ALDH4A1: variants seen among roughly 807,000 people sequenced by gnomAD.
ALDH4A1 encodes delta-1-pyrroline-5-carboxylate dehydrogenase, mitochondrial.
A neutral mutation model predicts 70.5 loss-of-function variants in ALDH4A1; 46 were observed. The observed-to-expected ratio is 0.65, with a 90% CI of 0.51 to 0.83. The LOEUF is 0.83. Among genes scored for constraint, ALDH4A1 ranks in the 40% least tolerant of loss-of-function variants. The pLI is 0.00. For synonymous variants in ALDH4A1, 323 were observed against 324.3 expected (o/e 1.00, Z 0.04); for missense variants, 749 against 766.5 (o/e 0.98, Z 0.27).
At chr1:18,877,168 G>T (rs751282737) in intron 11 of ALDH4A1, 40 bp downstream of exon 11, 6 of 1,595,206 alleles carry the variant, frequency 3.8e-6, no homozygotes, top group Admixed American at 1.7e-5. Context: ...CCACTCCAGG[G>T]CTTGCCCCCA....
chr1:18,902,438 G>T, intron 1 of ALDH4A1, 24 bp downstream of exon 1: 1 of 1,323,692 alleles, frequency 7.6e-7, no homozygotes, highest in Non-Finnish European at 9.6e-7. Flanking sequence ...CGCTCGGGCC[G>T]CCCCGGGCCC....
chr1:18,878,597 A>G (rs191097333), intron 9 of ALDH4A1, among the ~76,000 whole-genome samples: 34 of 152,248 alleles, frequency 2.2e-4, no homozygotes, highest in Admixed American at 1.7e-3. Flanking sequence ...TGTGCTCCAC[A>G]AAACACTTGG....
chr1:18,879,312 G>A lies in ALDH4A1; in HGVS notation c.928C>T (p.Arg310Cys), dbSNP rs772789599. Residue 310 changes from arginine (R) to cysteine (C), a missense_variant, in exon 9 of 15, where the codon CGC (arginine) becomes TGC (cysteine). Physicochemically the swap from Arg to Cys is radical, Grantham distance 180 (BLOSUM62 -3). Transcript: ENST00000375341. ...AGGCAGGCCTTACCTCCAGCCAGGC[G>A]TGGGAAGGTGTGGAACCGGTCCAGG... The part of the protein sequence containing the change: ...QNLDRFHTFP[R>C]LAGECGGKNF... 3.7e-5 allele frequency: 59 copies of A among 1,609,588 alleles called. No homozygotes were observed. The highest frequency in any genetic ancestry group is 5.0e-5 in the Admixed American group (3 of 59,468).
intron 1 of ALDH4A1, among the ~76,000 whole-genome samples, chr1:18,893,599 T>A (rs1935518712): frequency 6.6e-6 from 1 of 152,096 alleles, no homozygotes; most frequent in South Asian, 2.1e-4. Context: ...GCCTCCCGAA[T>A]TCAAGCAATT....
chr1:18,877,481 G>A lies in ALDH4A1; in HGVS notation c.1072C>T (p.His358Tyr), dbSNP rs1317533452. ...CSACSRLYVP[H>Y]SLWPQIKGRL... ...CCTTTGATCTGCGGCCACAGCGAGTGCGGCACGTAGAGACGCGAGCACGCG... is the reference window on the plus strand; with the variant it reads ...CCTTTGATCTGCGGCCACAGCGAGTACGGCACGTAGAGACGCGAGCACGCG... The change falls in exon 10 of 15, where the codon CAC (histidine) becomes TAC (tyrosine). Residue 358 changes from histidine (H) to tyrosine (Y), a missense_variant. Transcript: ENST00000375341. The A allele has an allele frequency of 5.0e-6, 8 of 1,600,270 alleles. No individual in the cohort carries two copies. Among genetic ancestry groups the A allele is most frequent in the Non-Finnish European group, 6.8e-6 (8 of 1,173,714 alleles).
chr1:18,900,400 G>A (rs1314756034), intron 1 of ALDH4A1, among the ~76,000 whole-genome samples: 1 of 152,218 alleles, frequency 6.6e-6, no homozygotes, highest in Admixed American at 6.5e-5. Context: ...ATGAACAAGT[G>A]ATCAAACATC....
In ALDH4A1 at chr1:18,897,145, G is replaced by A. The variant is rs75705742; in HGVS notation, c.62+5317C>T. 2,471 of 505,514 alleles carry A rather than the reference G, an allele frequency of 4.9e-3. 39 individuals carry two copies. The highest frequency in any genetic ancestry group is 0.043 in the African/African-American group (2,199 of 51,216). The allele number at this position is 505,514 out of a possible 1,614,324, so 31.3% of individuals were successfully genotyped here. A position where few individuals can be genotyped will look rare whatever the true frequency, so the allele number is the denominator to read the frequency against. ...GAAACTTTTTGAGTGTCAACGTGAC[G>A]CTCAAAGGAAATGCTCATTGGAGCA... On this transcript the variant is annotated intron_variant, in intron 1 of 14. Transcript: ENST00000375341.
chr1:18,880,725 C>A lies in ALDH4A1; in HGVS notation c.866+975G>T, dbSNP rs993494040. 6.6e-6 allele frequency among the ~76,000 whole-genome samples: 1 copy of A among 152,094 alleles called. No individual in the cohort carries two copies. The highest frequency in any genetic ancestry group is 1.5e-5 in the Non-Finnish European group (1 of 68,014). On this transcript the variant is annotated intron_variant, in intron 8 of 14. Transcript: ENST00000375341. This position sits in a 1 kb window ranked among gnomAD's most constrained non-coding sequence, Gnocchi z 5.1. ...ATCAGAGCATCCAGGTCCAGGGGAC[C>A]AAGACAGGCCAATATTTGGATTTAT...
intron 1 of ALDH4A1, 65 bp from the exon 2 acceptor site, chr1:18,890,170 C>T (rs897549610): frequency 1.5e-6 from 2 of 1,366,084 alleles, no homozygotes; most frequent in South Asian, 1.2e-5. Context: ...CAGACCCCAG[C>T]CCCTCTACCT....
rs1934493408 is a variant in ALDH4A1, at chr1:18,872,778, G to A, written c.*67C>T. The A allele has an allele frequency of 3.3e-6, 4 of 1,201,262 alleles. No individual in the cohort carries two copies. The highest frequency in any genetic ancestry group is 4.9e-6 in the Non-Finnish European group (4 of 818,156). 74.4% of individuals were successfully genotyped at this position (1,201,262 alleles called of 1,614,324 possible). On this transcript the variant is annotated 3_prime_UTR_variant, in exon 15 of 15. Coordinates refer to ENST00000375341, the MANE Select transcript of ALDH4A1 (RefSeq NM_003748.4). ...GAAGAAGGGGTGGAGGGGCTGGAGT[G>A]GGGTCTGTGCAGTGAGGTCGGCCAC... is the stretch of plus-strand genomic sequence containing the variant.
intron 3 of ALDH4A1, among the ~76,000 whole-genome samples, chr1:18,887,321 C>T (rs554009588): frequency 1.1e-4 from 17 of 152,372 alleles, no homozygotes; most frequent in South Asian, 2.1e-4. Context: ...CCCTGTTGGC[C>T]GGGCGCGGTG....
At chr1:18,889,653 A>C (rs771404201) in intron 2 of ALDH4A1, among the ~76,000 whole-genome samples, 199 bp from the exon 3 acceptor site, 10 of 152,260 alleles carry the variant, frequency 6.6e-5, no homozygotes, top group Non-Finnish European at 1.5e-4. Context: ...GTCACCCTGC[A>C]GGAAGGTGAG....
At chr1:18,886,682 G>A (rs1178921343) in intron 3 of ALDH4A1, among the ~76,000 whole-genome samples, 171 bp from the exon 4 acceptor site, 1 of 152,136 alleles carries the variant, frequency 6.6e-6, no homozygotes, top group Non-Finnish European at 1.5e-5. Flanking sequence ...GTTGCTCCCT[G>A]TTAAGGGTGC....
chr1:18,877,672 G>T, intron 9 of ALDH4A1, 60 bp from the exon 10 acceptor site: 1 of 1,450,638 alleles, frequency 6.9e-7, no homozygotes, highest in Non-Finnish European at 9.6e-7. Context: ...TTGCCCAGGG[G>T]CCCAAAACAC....
rs1569718952 is a variant in ALDH4A1 at position 18,875,433 on chromosome 1, A to G, written c.1409T>C (p.Val470Ala). 6.2e-7 allele frequency: 1 copy of G among 1,614,036 alleles called. No homozygotes were observed. Among genetic ancestry groups the G allele is most frequent in the Non-Finnish European group, 8.5e-7 (1 of 1,180,036 alleles). The change falls in exon 13 of 15, where the codon GTT (valine) becomes GCT (alanine). Residue 470 changes from valine (V) to alanine (A), a missense_variant. Val to Ala is a moderately conservative substitution (Grantham distance 64, BLOSUM62 0). Coordinates refer to ENST00000375341, the MANE Select transcript of ALDH4A1 (RefSeq NM_003748.4). ...DDKYKETLQL[V>A]DSTTSYGLTG... ...GAGGCCATAGCTGGTGGTGCTGTCAACCAGCTGCAGCGTCTCCTTGTACTT... is the reference window on the plus strand; with the variant it reads ...GAGGCCATAGCTGGTGGTGCTGTCAGCCAGCTGCAGCGTCTCCTTGTACTT...
chr1:18,887,398 G>C (rs146199024), intron 3 of ALDH4A1, among the ~76,000 whole-genome samples: 3,183 of 152,346 alleles, frequency 0.021, 55 homozygotes, highest in Non-Finnish European at 0.034. Flanking sequence ...AGGAGATCGA[G>C]ACCATCCTGG....
At chr1:18,902,224 G>A (rs1238737727) in intron 1 of ALDH4A1, among the ~76,000 whole-genome samples, 2 of 152,156 alleles carry the variant, frequency 1.3e-5, no homozygotes, top group African/African-American at 4.8e-5. Flanking sequence ...CGCAGGATTC[G>A]GGAAGAGGGG....
At chr1:18,899,753 C>G (rs888219060) in intron 1 of ALDH4A1, among the ~76,000 whole-genome samples, 1 of 152,362 alleles carries the variant, frequency 6.6e-6, no homozygotes, top group East Asian at 1.9e-4. Context: ...TTGTCACCAG[C>G]TGCCATCCCT....
At chr1:18,873,732 G>A (rs374971133) in intron 14 of ALDH4A1, among the ~76,000 whole-genome samples, 3 of 152,322 alleles carry the variant, frequency 2.0e-5, no homozygotes, top group African/African-American at 4.8e-5. Flanking sequence ...TGCGCATCTG[G>A]CTGTTCATCT....
Sources: allele counts gnomAD v4.1 joint callset (sites outside exome capture counted in the v4.1 genomes callset), GRCh38; gene constraint gnomAD v4.1.1; non-coding constraint Gnocchi (gnomAD v3.1); transcripts MANE v1.5; gene names NCBI Gene and HGNC (gene_info 2026-07-23, HGNC 2026-07-21).